Variants in CNTN4 observed in about 807,000 individuals in gnomAD.
CNTN4 encodes the protein contactin-4.
A neutral mutation model predicts 122.5 loss-of-function variants in CNTN4; 77 were observed. The observed-to-expected ratio is 0.63, with a 90% confidence interval of 0.52 to 0.76. The LOEUF (loss-of-function observed/expected upper bound fraction) is 0.76. Ranked by LOEUF, CNTN4 falls within the 30% of genes least tolerant of loss-of-function variation. The pLI, the probability that CNTN4 is intolerant of heterozygous loss-of-function variation, is 0.00. For synonymous variants in CNTN4, 512 were observed against 447.0 expected (o/e 1.15, Z -1.83); for missense variants, 1,256 against 1,259.1 (o/e 1.00, Z 0.04).
intron 2 of CNTN4, among the ~76,000 whole-genome samples, chr3:2,144,749 A>T (rs1440767230): frequency 6.6e-6 from 1 of 152,242 alleles, no homozygotes; most frequent in East Asian, 1.9e-4. Flanking sequence ...TCATCAATTA[A>T]GTTTATTGAA....
chr3:2,260,560 G>T (rs1206533721), intron 2 of CNTN4, among the ~76,000 whole-genome samples: 1 of 152,118 alleles, frequency 6.6e-6, no homozygotes, highest in Non-Finnish European at 1.5e-5. Flanking sequence ...ACTAGAGTTG[G>T]CTGTCTCCTA....
At chr3:2,116,480 A>T (rs2033361628) in intron 2 of CNTN4, among the ~76,000 whole-genome samples, 1 of 152,168 alleles carries the variant, frequency 6.6e-6, no homozygotes, top group African/African-American at 2.4e-5. Context: ...GGTAATACCG[A>T]ATCAGAGTCT....
chr3:2,430,791 A>G (rs909031507), intron 3 of CNTN4, among the ~76,000 whole-genome samples: 1 of 152,146 alleles, frequency 6.6e-6, no homozygotes, highest in Admixed American at 6.5e-5. Flanking sequence ...TAGCATTTAT[A>G]TTTCTTTTGA....
At chr3:2,530,573 G>T (rs2077561805) in intron 3 of CNTN4, among the ~76,000 whole-genome samples, 1 of 152,002 alleles carries the variant, frequency 6.6e-6, no homozygotes, top group South Asian at 2.1e-4. Flanking sequence ...CTCCCAAAGT[G>T]CTGGGATTAC....
In CNTN4 at chr3:2,925,784, T is replaced by G; in HGVS notation, c.1358+5T>G. The G allele has an allele frequency of 6.2e-7, 1 of 1,608,368 alleles. No individual in the cohort carries two copies. Among genetic ancestry groups the G allele is most frequent in the Admixed American group, 1.7e-5 (1 of 60,002 alleles). ...TATATTAAAAGAAAATGAAAGGTAC[T>G]GTCTTGAATTATTTTCAATATTTGG... is the stretch of plus-strand genomic sequence containing the variant. On this transcript the variant is annotated splice_donor_5th_base_variant and intron_variant, in intron 13 of 24. Transcript: ENST00000418658.
At chr3:2,745,031 C>A (rs1479243880) in intron 5 of CNTN4, among the ~76,000 whole-genome samples, 1 of 152,202 alleles carries the variant, frequency 6.6e-6, no homozygotes, top group Non-Finnish European at 1.5e-5. Flanking sequence ...CTCTGCTTTG[C>A]AGCCAGCCAT....
intron 6 of CNTN4, among the ~76,000 whole-genome samples, chr3:2,772,152 A>G (rs1449733266): frequency 6.6e-6 from 1 of 152,048 alleles, no homozygotes; most frequent in African/African-American, 2.4e-5. Flanking sequence ...AAAGGGTTTT[A>G]AGCCAGCAGA....
chr3:2,526,809 A>G (rs1326393870), intron 3 of CNTN4, among the ~76,000 whole-genome samples: 4 of 152,100 alleles, frequency 2.6e-5, no homozygotes, highest in African/African-American at 4.8e-5. Context: ...AGAAGATTAT[A>G]TTTTACTGAA....
intron 4 of CNTN4, among the ~76,000 whole-genome samples, chr3:2,719,670 T>G (rs1283019471): frequency 2.0e-5 from 3 of 152,128 alleles, no homozygotes; most frequent in Non-Finnish European, 2.9e-5. Context: ...GCGATCCGCC[T>G]GCTTGGGCCT....
chr3:2,900,756 A>G lies in CNTN4; in HGVS notation c.1012A>G (p.Lys338Glu). Residue 338 changes from lysine to glutamate, a missense_variant, in exon 11 of 25, where the codon AAA becomes GAA. Transcript: ENST00000418658. Reference protein sequence around the residue: ...AMEENVFWECKANGRPKPTYK... With the variant: ...AMEENVFWECEANGRPKPTYK... ...GGAAGAAAATGTCTTTTGGGAATGT[A>G]AAGCAAATGGAAGGCCTAAGCCTAC... 6.2e-7 allele frequency: 1 copy of G among 1,614,018 alleles called. No homozygotes were observed. The highest frequency in any genetic ancestry group is 8.5e-7 in the Non-Finnish European group (1 of 1,179,844).
intron 2 of CNTN4, among the ~76,000 whole-genome samples, chr3:2,300,788 C>T (rs781603143): frequency 4.0e-5 from 6 of 151,852 alleles, no homozygotes; most frequent in Admixed American, 1.3e-4. Context: ...CCAGGATGGT[C>T]TCCATCAACA....
At chr3:2,927,282 T>C (rs1431732180) in intron 13 of CNTN4, 1 of 455,390 alleles carries the variant, frequency 2.2e-6, no homozygotes, top group Non-Finnish European at 4.4e-6. Context: ...AAAGGCAATT[T>C]CTCTTTTGCA....
chr3:2,536,782 A>G (rs889285589), intron 3 of CNTN4, among the ~76,000 whole-genome samples: 7 of 152,082 alleles, frequency 4.6e-5, no homozygotes, highest in Admixed American at 1.3e-4. Context: ...GTCAGCAAAT[A>G]TAGTCTCTTC....
intron 3 of CNTN4, among the ~76,000 whole-genome samples, chr3:2,339,554 C>T (rs921531706): frequency 6.6e-6 from 1 of 152,070 alleles, no homozygotes; most frequent in Non-Finnish European, 1.5e-5. Context: ...AGTTGTTGTA[C>T]TTTTGCCAAA....
intron 2 of CNTN4, among the ~76,000 whole-genome samples, chr3:2,149,917 C>T (rs567581427): frequency 6.6e-6 from 1 of 150,674 alleles, no homozygotes; most frequent in African/African-American, 2.4e-5. Context: ...GGTTGTCAGG[C>T]AGACCTTTGC....
At chr3:3,054,644 T>G (rs957374443) in intron 24 of CNTN4, among the ~76,000 whole-genome samples, 1 of 152,156 alleles carries the variant, frequency 6.6e-6, no homozygotes, top group East Asian at 1.9e-4. Flanking sequence ...AAAAACAAAA[T>G]AGCCAAATCC....
intron 6 of CNTN4, among the ~76,000 whole-genome samples, chr3:2,803,049 A>G (rs549981336): frequency 6.6e-6 from 1 of 152,360 alleles, no homozygotes; most frequent in South Asian, 2.1e-4. Flanking sequence ...TAAAAATGTA[A>G]CAAATAGAGG....
At chr3:2,819,981 A>G (rs924561035) in intron 7 of CNTN4, among the ~76,000 whole-genome samples, 3 of 152,182 alleles carry the variant, frequency 2.0e-5, no homozygotes, top group Non-Finnish European at 2.9e-5. Context: ...TACTTCTGAC[A>G]CCAAATGTAT....
In CNTN4 at chr3:3,053,888, G is replaced by A. The variant is rs769702602; in HGVS notation, c.2893G>A (p.Asp965Asn). The A allele has an allele frequency of 8.1e-6, 13 of 1,614,094 alleles. No homozygotes were observed. The highest frequency in any genetic ancestry group is 2.2e-5 in the East Asian group (1 of 44,880). ...KTSVELSLPF[D>N]EDYIIEIKPF... ...ATCGGTGGAGCTTTCTTTGCCTTTC[G>A]ATGAAGATTATATAATAGAAATTAA... Residue 965 changes from aspartate (D) to asparagine (N), a missense_variant, in exon 24 of 25, where the codon GAT (aspartate) becomes AAT (asparagine). Transcript: ENST00000418658.
Sources: gnomAD v4.1 joint callset for allele counts (sites outside exome capture counted in the v4.1 genomes callset) on GRCh38, gnomAD v4.1.1 for gene constraint, MANE v1.5 for transcripts, NCBI Gene and HGNC (gene_info 2026-07-23, HGNC 2026-07-21) for gene names.